LYSMD2: variants seen among roughly 807,000 people sequenced by gnomAD.
The protein encoded by LYSMD2 is LysM domain containing 2, also known as lysM and putative peptidoglycan-binding domain-containing protein 2.
A neutral mutation model predicts 17.7 loss-of-function variants in LYSMD2; 6 were observed. The observed-to-expected ratio is 0.34, with a 90% CI of 0.19 to 0.67. The LOEUF is 0.67. LYSMD2 is among the 30% of genes least tolerant of loss of function. The pLI, the probability that LYSMD2 is intolerant of heterozygous loss-of-function variation, is 0.69. For synonymous variants in LYSMD2, 102 were observed against 129.8 expected (o/e 0.79, Z 1.45); for missense variants, 237 against 286.7 (o/e 0.83, Z 1.25).
In LYSMD2 at chr15:51,737,567, C is replaced by T. The variant is rs1224800121; in HGVS notation, c.56G>A (p.Arg19Gln). Residue 19 changes from arginine (R) to glutamine (Q), a missense_variant, in exon 1 of 3, where the codon CGG becomes CAG. Arg to Gln is a conservative substitution (Grantham distance 43). Coordinates refer to ENST00000267838, the MANE Select transcript of LYSMD2 (RefSeq NM_153374.3). The surrounding 1 kb of genome is among the most constrained non-coding windows in gnomAD (Gnocchi z 4.2). ...SLREGGPRAPRPSAPSPPPRS... is the reference protein window; with the variant it reads ...SLREGGPRAPQPSAPSPPPRS... ...CGGCGGCGGCGAGGGGGCCGAGGGC[C>T]GCGGCGCGCGGGGGCCGCCTTCCCG... 4 of 1,219,874 alleles carry T rather than the reference C, an allele frequency of 3.3e-6. No individual in the cohort carries two copies. Among genetic ancestry groups the T allele is most frequent in the Non-Finnish European group, 4.1e-6 (4 of 982,270 alleles). The allele number at this position is 1,219,874 out of a possible 1,614,324, so 75.6% of individuals were successfully genotyped here.
intron 1 of LYSMD2, among the ~76,000 whole-genome samples, chr15:51,731,369 A>G (rs2055575574): frequency 6.6e-6 from 1 of 152,232 alleles, no homozygotes; most frequent in Admixed American, 6.5e-5. Context: ...AGGGTCAGCA[A>G]TCTCCACCAG....
At chr15:51,734,237 G>A (rs1473973043) in intron 1 of LYSMD2, among the ~76,000 whole-genome samples, 2 of 152,074 alleles carry the variant, frequency 1.3e-5, no homozygotes, top group Non-Finnish European at 2.9e-5. Flanking sequence ...CCTTTTCTGG[G>A]TATTCCAATC....
Position 51,737,289 on chromosome 15 carries a change from A to C in LYSMD2, c.273+61T>G, listed in dbSNP as rs917558560. ...CCACCCCCACCCCCACCGCACCCCG[A>C]GCCGCACCGCCTCCTGCGCGGTAGC... On this transcript the variant is annotated intron_variant, in intron 1 of 2. Transcript: ENST00000267838. The surrounding 1 kb of genome is among the most constrained non-coding windows in gnomAD (Gnocchi z 4.2). The C allele has an allele frequency of 6.7e-5, 44 of 661,048 alleles. No homozygotes were observed. The highest frequency in any genetic ancestry group is 7.9e-5 in the Non-Finnish European group (42 of 532,450). 40.9% of individuals were successfully genotyped at this position (661,048 alleles called of 1,614,324 possible).
intron 1 of LYSMD2, among the ~76,000 whole-genome samples, chr15:51,727,203 TC>T (rs953384283): frequency 4.6e-5 from 7 of 152,182 alleles, no homozygotes; most frequent in African/African-American, 1.7e-4. Flanking sequence ...AATCCATTCC[TC>T]CACTCTTCTT....
chr15:51,736,189 A>G (rs2055607528), intron 1 of LYSMD2, among the ~76,000 whole-genome samples: 1 of 152,248 alleles, frequency 6.6e-6, no homozygotes, highest in South Asian at 2.1e-4. Flanking sequence ...AATGCCTGCC[A>G]CACAGGAGGC....
intron 1 of LYSMD2, among the ~76,000 whole-genome samples, chr15:51,743,516 T>C (rs566041901): frequency 2.6e-5 from 4 of 152,366 alleles, no homozygotes; most frequent in Admixed American, 2.6e-4. Context: ...TACTACAGTG[T>C]CTTTATTACT....
chr15:51,723,335 T>C lies in LYSMD2; in HGVS notation c.*272A>G, dbSNP rs997280784. 1 of 323,096 alleles carries C rather than the reference T, an allele frequency of 3.1e-6. No individual in the cohort carries two copies. The highest frequency in any genetic ancestry group is 5.7e-6 in the Non-Finnish European group (1 of 174,910). The allele number at this position is 323,096 out of a possible 1,614,324, so 20.0% of individuals were successfully genotyped here. ...TTGATGCTTTATGTCAATTAGTATT[T>C]ATAAAAGCTAGTCTAAAAACTAACA... On this transcript the variant is annotated 3_prime_UTR_variant, in exon 3 of 3. Coordinates refer to ENST00000267838, the MANE Select transcript of LYSMD2 (RefSeq NM_153374.3).
chr15:51,740,807 A>G (rs1205437138), upstream of LYSMD2, among the ~76,000 whole-genome samples: 1 of 152,166 alleles, frequency 6.6e-6, no homozygotes, highest in Non-Finnish European at 1.5e-5. Flanking sequence ...AATTTAAGGT[A>G]ATAAATAAAA....
At chr15:51,750,573 A>T (rs1044323117) in intron 1 of LYSMD2, among the ~76,000 whole-genome samples, 12 of 152,242 alleles carry the variant, frequency 7.9e-5, no homozygotes, top group African/African-American at 2.4e-5. Flanking sequence ...GACTGCCAAG[A>T]TAAGTCCCAT....
intron 1 of LYSMD2, among the ~76,000 whole-genome samples, chr15:51,728,418 C>CAT (rs1161315323): frequency 6.6e-6 from 1 of 151,790 alleles, no homozygotes; most frequent in Non-Finnish European, 1.5e-5. Flanking sequence ...CACACACACA[C>CAT]ACACACACAC....
upstream of LYSMD2, among the ~76,000 whole-genome samples, chr15:51,742,070 T>C (rs753653467): frequency 3.5e-4 from 53 of 152,188 alleles, no homozygotes; most frequent in Non-Finnish European, 7.4e-4. Context: ...AGTCTCGCTC[T>C]GTCGCCCTGG....
chr15:51,730,229 C>T (rs2055568044), intron 1 of LYSMD2, among the ~76,000 whole-genome samples: 1 of 152,234 alleles, frequency 6.6e-6, no homozygotes, highest in Non-Finnish European at 1.5e-5. Context: ...ACTCCCCAGC[C>T]AGGCGTGGTG....
At chr15:51,743,187 T>C (rs759732355) in intron 1 of LYSMD2, among the ~76,000 whole-genome samples, 5 of 152,300 alleles carry the variant, frequency 3.3e-5, no homozygotes, top group Non-Finnish European at 7.4e-5. Context: ...TATTGCCCAG[T>C]CTGGTCTCAA....
At chr15:51,736,609 A>G (rs1485702404) in intron 1 of LYSMD2, among the ~76,000 whole-genome samples, 1 of 152,242 alleles carries the variant, frequency 6.6e-6, no homozygotes, top group Non-Finnish European at 1.5e-5. Context: ...AAATGTAAAA[A>G]GGCCATCACA....
chr15:51,747,646 C>G (rs1002919590), intron 1 of LYSMD2, among the ~76,000 whole-genome samples: 2 of 152,194 alleles, frequency 1.3e-5, no homozygotes, highest in Non-Finnish European at 2.9e-5. Context: ...TCTTGAATTT[C>G]TGTGTATCTA....
At chr15:51,735,571 A>G in intron 1 of LYSMD2, among the ~76,000 whole-genome samples, 1 of 152,214 alleles carries the variant, frequency 6.6e-6, no homozygotes, top group East Asian at 1.9e-4. Flanking sequence ...ATAGTTCCTG[A>G]TTCATTATCC....
intron 1 of LYSMD2, among the ~76,000 whole-genome samples, chr15:51,736,515 G>A (rs150332493): frequency 4.1e-4 from 62 of 152,242 alleles, no homozygotes; most frequent in African/African-American, 1.4e-3. Flanking sequence ...TCACTTTAAG[G>A]GAAAGATATA....
chr15:51,732,453 T>C (rs1412067112), intron 1 of LYSMD2, among the ~76,000 whole-genome samples: 1 of 152,124 alleles, frequency 6.6e-6, no homozygotes, highest in African/African-American at 2.4e-5. Flanking sequence ...GAGAACAACA[T>C]GTATTACCTT....
At chr15:51,736,508 C>T (rs1241187238) in intron 1 of LYSMD2, among the ~76,000 whole-genome samples, 1 of 152,174 alleles carries the variant, frequency 6.6e-6, no homozygotes, top group Non-Finnish European at 1.5e-5. Flanking sequence ...AAGAGTTTCA[C>T]TTTAAGGGAA....
Sources: gnomAD v4.1 joint callset for allele counts (sites outside exome capture counted in the v4.1 genomes callset) on GRCh38, gnomAD v4.1.1 for gene constraint, Gnocchi (gnomAD v3.1) non-coding constraint, MANE v1.5 for transcripts, NCBI Gene and HGNC (gene_info 2026-07-23, HGNC 2026-07-21) for gene names.